The following ZFP64 variants were observed in gnomAD, a reference collection of about 807,000 sequenced individuals.
The protein encoded by ZFP64 is zinc finger protein 64.
A neutral mutation model predicts 51.6 loss-of-function variants in ZFP64; 14 were observed. The ratio of observed to expected loss-of-function variants is 0.27; its 90% confidence interval spans 0.18 to 0.42. ZFP64 has a LOEUF of 0.42. Among genes scored for constraint, ZFP64 ranks in the 10% least tolerant of loss-of-function variants. The probability of loss-of-function intolerance (pLI) is 1.00; values close to 1 mark genes in which losing one functional copy is unlikely to be tolerated. For missense variants in ZFP64, 754 were observed against 906.8 expected, an observed-to-expected ratio of 0.83 and a Z score of 2.16; for synonymous variants, 375 against 361.4, an observed-to-expected ratio of 1.04 and a Z score of -0.43.
At chr20:52,114,054 T>C (rs961912550) in intron 5 of ZFP64, among the ~76,000 whole-genome samples, 6 of 152,156 alleles carry the variant, frequency 3.9e-5, no homozygotes, top group African/African-American at 1.4e-4. Context: ...AAGACTCTTT[T>C]AAGCGACCAA....
intron 5 of ZFP64, among the ~76,000 whole-genome samples, chr20:52,113,579 C>T (rs893856942): frequency 6.8e-6 from 1 of 146,222 alleles, no homozygotes; most frequent in African/African-American, 2.5e-5. Context: ...AAGGCACCCG[C>T]CACCATACCT....
At chr20:52,136,218 C>T (rs6021725) in intron 5 of ZFP64, among the ~76,000 whole-genome samples, 3,047 of 151,890 alleles carry the variant, frequency 0.02, 107 homozygotes, top group African/African-American at 0.069. Flanking sequence ...CATACCTTTT[C>T]CTAAAACTGA....
chr20:52,161,446 C>CTTTTTTTTTTTTT (rs1236301796), intron 4 of ZFP64, among the ~76,000 whole-genome samples: 2 of 127,724 alleles, frequency 1.6e-5, no homozygotes, highest in Non-Finnish European at 1.6e-5. Flanking sequence ...CTTGTGATTG[C>CTTTTTTTTTTTTT]TTTCTTTTTT....
chr20:52,116,835 T>C (rs186596188), intron 5 of ZFP64, among the ~76,000 whole-genome samples: 4 of 152,180 alleles, frequency 2.6e-5, no homozygotes, highest in African/African-American at 9.6e-5. Context: ...TTTGGGAGGC[T>C]GAAGCAGGCA....
chr20:52,172,523 G>A (rs1435985204), intron 2 of ZFP64, among the ~76,000 whole-genome samples: 1 of 151,878 alleles, frequency 6.6e-6, no homozygotes. Context: ...GAGTGGCATG[G>A]GCCTTGGGGA....
At chr20:52,115,629 G>A (rs552860918) in intron 5 of ZFP64, among the ~76,000 whole-genome samples, 6 of 151,960 alleles carry the variant, frequency 3.9e-5, no homozygotes, top group Admixed American at 3.3e-4. Context: ...TGGCCAGGCC[G>A]GTCTTGAATT....
At chr20:52,097,365 A>G in intron 7 of ZFP64, 1 of 1,612,528 alleles carries the variant, frequency 6.2e-7, no homozygotes. Flanking sequence ...AACAGAATGG[A>G]TACCTACCCG....
intron 7 of ZFP64, chr20:52,097,119 A>G (rs749195102): frequency 1.1e-5 from 8 of 760,678 alleles, no homozygotes; most frequent in Non-Finnish European, 2.0e-5. Flanking sequence ...GCCCTAAAAA[A>G]AAAAGCACCT....
chr20:52,114,251 T>G (rs1014679635), intron 5 of ZFP64, among the ~76,000 whole-genome samples: 1 of 152,234 alleles, frequency 6.6e-6, no homozygotes, highest in African/African-American at 2.4e-5. Flanking sequence ...CACACACACA[T>G]GCTGAGCGTG....
At chr20:52,158,590 C>T (rs1981516851) in intron 5 of ZFP64, among the ~76,000 whole-genome samples, 2 of 152,088 alleles carry the variant, frequency 1.3e-5, no homozygotes, top group Non-Finnish European at 2.9e-5. Flanking sequence ...CCTGTAATCC[C>T]AGCTACTCAG....
chr20:52,095,519 C>T (rs968861084), intron 7 of ZFP64, among the ~76,000 whole-genome samples: 4 of 152,172 alleles, frequency 2.6e-5, no homozygotes, highest in Non-Finnish European at 5.9e-5. Context: ...TGGGTCGTGC[C>T]CCAAGGGAGG....
At chr20:52,179,043 C>T (rs1475716087) in intron 2 of ZFP64, among the ~76,000 whole-genome samples, 1 of 152,186 alleles carries the variant, frequency 6.6e-6, no homozygotes, top group East Asian at 1.9e-4. Context: ...GTAACTCCCA[C>T]AATTCCCATG....
chr20:52,121,316 A>T (rs1979180536), intron 5 of ZFP64, among the ~76,000 whole-genome samples: 1 of 152,226 alleles, frequency 6.6e-6, no homozygotes, highest in African/African-American at 2.4e-5. Context: ...TTTGAGTCCA[A>T]CAGCCAAGTC....
At chr20:52,109,154 T>G (rs940070950) in intron 5 of ZFP64, among the ~76,000 whole-genome samples, 4 of 144,464 alleles carry the variant, frequency 2.8e-5, no homozygotes, top group African/African-American at 1.1e-4. Context: ...TTTTAGAAGA[T>G]TTTTTTTTTT....
intron 7 of ZFP64, among the ~76,000 whole-genome samples, chr20:52,090,789 A>T: frequency 7.5e-6 from 1 of 132,456 alleles, no homozygotes; most frequent in Non-Finnish European, 1.6e-5. Flanking sequence ...ACAGAGCAAG[A>T]TTTTTTTTTT....
intron 5 of ZFP64, chr20:52,104,549 A>G (rs2079089435): frequency 2.9e-6 from 1 of 343,740 alleles, no homozygotes; most frequent in Non-Finnish European, 5.8e-6. Context: ...GTCTGCCCCC[A>G]TCACCTCTCG....
intron 5 of ZFP64, among the ~76,000 whole-genome samples, chr20:52,136,294 C>T (rs1041392806): frequency 6.6e-6 from 1 of 151,790 alleles, no homozygotes; most frequent in African/African-American, 2.4e-5. Flanking sequence ...ATGCATGGAG[C>T]CATAAAATCT....
chr20:52,110,562 G>C, intron 5 of ZFP64: 1 of 718,608 alleles, frequency 1.4e-6, no homozygotes, highest in Non-Finnish European at 2.5e-6. Context: ...TCACACTTGA[G>C]AGGTGGTCCT....
chr20:52,160,047 T>C lies in ZFP64; in HGVS notation c.763+76A>G, dbSNP rs918161931. The C allele has an allele frequency of 1.7e-5, 27 of 1,591,626 alleles. No homozygotes were observed. Among genetic ancestry groups the C allele is most frequent in the Non-Finnish European group, 2.1e-5 (25 of 1,169,112 alleles). ...CCAACTCGATTTCTTACATTGTGGCTGAATGCTTTAAGGTGCTTATGATTT... is the reference window on the plus strand; with the variant it reads ...CCAACTCGATTTCTTACATTGTGGCCGAATGCTTTAAGGTGCTTATGATTT... On this transcript the variant is annotated intron_variant, in intron 5 of 5. Transcript: ENST00000216923. This position sits in a 1 kb window ranked among gnomAD's most constrained non-coding sequence, Gnocchi z 4.2.
Sources: gnomAD v4.1 joint callset for allele counts (sites outside exome capture counted in the v4.1 genomes callset) on GRCh38, gnomAD v4.1.1 for gene constraint, Gnocchi (gnomAD v3.1) non-coding constraint, MANE v1.5 for transcripts, NCBI Gene and HGNC (gene_info 2026-07-23, HGNC 2026-07-21) for gene names.